The following SOX6 variants were observed in gnomAD, a reference collection of about 807,000 sequenced individuals.
SOX6 encodes SRY-box transcription factor 6, also known as transcription factor SOX-6.
SOX6 carries 11 observed loss-of-function variants against 97.8 expected under a neutral mutation model. The observed-to-expected ratio is 0.11, with a 90% CI of 0.07 to 0.19. The LOEUF (loss-of-function observed/expected upper bound fraction) is 0.19, where lower values mean the gene tolerates loss of function less well. Among genes scored for constraint, SOX6 ranks in the 10% least tolerant of loss-of-function variants. The probability of loss-of-function intolerance (pLI) is 1.00; values close to 1 mark genes in which losing one functional copy is unlikely to be tolerated. For missense variants in SOX6, 810 were observed against 1,039.5 expected (o/e 0.78, Z 3.04); for synonymous variants, 360 against 371.4 (o/e 0.97, Z 0.35).
intron 4 of SOX6, among the ~76,000 whole-genome samples, chr11:16,518,507 C>T (rs1211208152): frequency 1.3e-5 from 2 of 152,144 alleles, no homozygotes; most frequent in Non-Finnish European, 2.9e-5. Context: ...AGGCTATAAG[C>T]TCATTGAGGG....
intron 3 of SOX6, among the ~76,000 whole-genome samples, chr11:16,307,195 A>C (rs1184263751): frequency 6.6e-6 from 1 of 152,200 alleles, no homozygotes; most frequent in Non-Finnish European, 1.5e-5. Context: ...CATAATAGAA[A>C]TTGATATCAT....
intron 4 of SOX6, among the ~76,000 whole-genome samples, chr11:16,533,370 A>G (rs2133171060): frequency 6.6e-6 from 1 of 152,076 alleles, no homozygotes; most frequent in Middle Eastern, 3.4e-3. Flanking sequence ...GAGAATTAAT[A>G]GAAATATCAA....
chr11:16,313,810 C>T (rs904266966), intron 3 of SOX6: 6 of 149,296 alleles, frequency 4.0e-5, no homozygotes, highest in Admixed American at 2.7e-4. Context: ...TGTATTACCA[C>T]GTTCCTATTT....
At chr11:16,094,392 G>A (rs1345939226) in intron 9 of SOX6, among the ~76,000 whole-genome samples, 3 of 151,986 alleles carry the variant, frequency 2.0e-5, no homozygotes, top group African/African-American at 7.2e-5. Context: ...CTGGCTAAGG[G>A]AAGATTGATG....
intron 9 of SOX6, among the ~76,000 whole-genome samples, chr11:16,075,299 A>T (rs1848327213): frequency 6.6e-6 from 1 of 152,214 alleles, no homozygotes; most frequent in Non-Finnish European, 1.5e-5. Flanking sequence ...ATCATGGTGG[A>T]CAGCAAAGGA....
At chr11:15,975,429 C>T (rs1853445433) in intron 15 of SOX6, among the ~76,000 whole-genome samples, 1 of 152,136 alleles carries the variant, frequency 6.6e-6, no homozygotes, top group Middle Eastern at 3.4e-3. Flanking sequence ...TACAGATTTC[C>T]CAATTTGGCA....
chr11:16,699,409 A>G (rs567530142), intron 3 of SOX6, among the ~76,000 whole-genome samples: 1 of 152,098 alleles, frequency 6.6e-6, no homozygotes, highest in South Asian at 2.1e-4. Context: ...ATGTTTCTTG[A>G]CATTATTTGT....
At chr11:16,296,724 G>C (rs1482459599) in intron 3 of SOX6, among the ~76,000 whole-genome samples, 1 of 152,100 alleles carries the variant, frequency 6.6e-6, no homozygotes, top group Non-Finnish European at 1.5e-5. Context: ...TATCTGGGTG[G>C]TTTGAAAATG....
intron 4 of SOX6, among the ~76,000 whole-genome samples, chr11:16,593,458 A>G (rs1848176540): frequency 6.6e-6 from 1 of 152,170 alleles, no homozygotes; most frequent in Non-Finnish European, 1.5e-5. Context: ...CACCTTTAAA[A>G]TGAGTTATTC....
chr11:16,241,164 C>G (rs1240732726), intron 3 of SOX6, among the ~76,000 whole-genome samples: 1 of 151,998 alleles, frequency 6.6e-6, no homozygotes, highest in Non-Finnish European at 1.5e-5. Flanking sequence ...ATTAAAAGCT[C>G]TCCTTTTCTG....
chr11:16,636,941 TA>T (rs1256236956), intron 3 of SOX6, among the ~76,000 whole-genome samples: 1 of 152,196 alleles, frequency 6.6e-6, no homozygotes, highest in Non-Finnish European at 1.5e-5. Flanking sequence ...CTTTCCTTTA[TA>T]AATTGCCCAG....
At chr11:16,440,877 C>T (rs1301572321) in intron 1 of SOX6, among the ~76,000 whole-genome samples, 1 of 152,086 alleles carries the variant, frequency 6.6e-6, no homozygotes, top group Non-Finnish European at 1.5e-5. Flanking sequence ...TACATCTACC[C>T]ATTCAGGGCT....
At chr11:16,132,395 A>G (rs1849803713) in intron 6 of SOX6, among the ~76,000 whole-genome samples, 1 of 78,404 alleles carries the variant, frequency 1.3e-5, no homozygotes, top group African/African-American at 5.5e-5. Flanking sequence ...AGAAAGAAAG[A>G]AAGAAAAAAG....
intron 2 of SOX6, among the ~76,000 whole-genome samples, chr11:16,731,666 T>A (rs1848351230): frequency 6.6e-6 from 1 of 152,174 alleles, no homozygotes. Context: ...ACCGGAAGCA[T>A]TTCCTTTGAA....
At chr11:16,337,489 T>C (rs1279968033) in intron 2 of SOX6, among the ~76,000 whole-genome samples, 2 of 152,068 alleles carry the variant, frequency 1.3e-5, no homozygotes, top group Non-Finnish European at 2.9e-5. Context: ...ATGAAAAAAA[T>C]TATGTGAATG....
chr11:16,073,185 C>T (rs548240189), intron 9 of SOX6, among the ~76,000 whole-genome samples: 36 of 152,234 alleles, frequency 2.4e-4, no homozygotes, highest in Admixed American at 6.5e-4. Context: ...TAACTATGAG[C>T]TGTCTACAGA....
In SOX6 at chr11:16,565,871, C is replaced by A. The variant is rs563231015; in HGVS notation, n.609+46210G>T. On this transcript the variant is annotated intron_variant and non_coding_transcript_variant, in intron 4 of 5. Coordinates refer to the SOX6 transcript ENST00000524520. The stretch of plus-strand genomic sequence containing the variant: ...CAGCACTTTGGGAGGCCAAGGTGGG[C>A]AGATCATGAGGTCAGGAGATCGAGA... Among the ~76,000 whole-genome samples, 280 of 150,300 alleles carry A rather than the reference C, an allele frequency of 1.9e-3. 2 individuals are homozygous for A. Among genetic ancestry groups the A allele is most frequent in the African/African-American group, 6.7e-3 (272 of 40,870 alleles).
chr11:16,552,003 T>G (rs993072766), intron 4 of SOX6, among the ~76,000 whole-genome samples: 2 of 152,188 alleles, frequency 1.3e-5, no homozygotes, highest in Non-Finnish European at 2.9e-5. Context: ...TTTAACAAAA[T>G]TTATAATGTA....
At chr11:16,140,616 G>A (rs1311093887) in intron 6 of SOX6, among the ~76,000 whole-genome samples, 3 of 152,132 alleles carry the variant, frequency 2.0e-5, no homozygotes, top group African/African-American at 7.2e-5. Flanking sequence ...CGTAACTATT[G>A]TTAAATTGTT....
Sources: allele counts gnomAD v4.1 joint callset (sites outside exome capture counted in the v4.1 genomes callset), GRCh38; gene constraint gnomAD v4.1.1; transcripts MANE v1.5; gene names NCBI Gene and HGNC (gene_info 2026-07-23, HGNC 2026-07-21).